Variants in AARSD1 observed in about 807,000 individuals in gnomAD.
AARSD1 encodes alanyl-tRNA editing protein Aarsd1.
AARSD1 carries 44 observed loss-of-function variants against 48.7 expected under a neutral mutation model. The ratio of observed to expected loss-of-function variants is 0.90; its 90% CI spans 0.71 to 1.16. The LOEUF (loss-of-function observed/expected upper bound fraction) is 1.16. Among genes scored for constraint, AARSD1 ranks in the 50% most tolerant of loss-of-function variants. The pLI is 0.00. For synonymous variants in AARSD1, 189 were observed against 194.9 expected (o/e 0.97, Z 0.25); for missense variants, 511 against 523.1 (o/e 0.98, Z 0.23).
chr17:42,954,874 A>T lies in AARSD1; in HGVS notation c.953+2T>A. 6.2e-7 allele frequency: 1 copy of T among 1,613,862 alleles called. No individual in the cohort carries two copies. Among genetic ancestry groups the T allele is most frequent in the Non-Finnish European group, 8.5e-7 (1 of 1,179,912 alleles). ...CCTTGTGTCCAGCTCCTAATTTCTCACCTGTGTAATATGACCACACCTCCC... is the reference window on the plus strand; with the variant it reads ...CCTTGTGTCCAGCTCCTAATTTCTCTCCTGTGTAATATGACCACACCTCCC... On this transcript the variant is annotated splice_donor_variant, in intron 9 of 11. Coordinates refer to ENST00000427569, the MANE Select transcript of AARSD1 (RefSeq NM_001261434.2). LOFTEE classifies it high-confidence loss of function.
rs764395013 is a variant in AARSD1 at position 42,950,731 on chromosome 17, G to C, written c.1104-3C>G. ...TGCCTTCCAGGACCTCAGCCACCCT[G>C]GGGAACAGAGGTATAGTCAGGGAGA... On this transcript the variant is annotated splice_region_variant and splice_polypyrimidine_tract_variant and intron_variant, in intron 11 of 11. Coordinates refer to ENST00000427569, the MANE Select transcript of AARSD1 (RefSeq NM_001261434.2). 6.2e-7 allele frequency: 1 copy of C among 1,612,068 alleles called. No individual in the cohort carries two copies. Among genetic ancestry groups the C allele is most frequent in the African/African-American group, 1.3e-5 (1 of 74,798 alleles).
intron 2 of AARSD1, among the ~76,000 whole-genome samples, chr17:42,963,088 T>A (rs1483387492): frequency 6.6e-6 from 1 of 151,620 alleles, no homozygotes; most frequent in South Asian, 2.1e-4. Flanking sequence ...ATACACCTTT[T>A]TTTTTTCTTT....
Position 42,956,210 on chromosome 17 carries a change from G to T in AARSD1, c.657C>A (p.Asp219Glu). The T allele has an allele frequency of 6.2e-7, 1 of 1,613,998 alleles. No individual in the cohort carries two copies. The highest frequency in any genetic ancestry group is 8.5e-7 in the Non-Finnish European group (1 of 1,180,030). The change falls in exon 6 of 12, where the codon GAC (aspartate) becomes GAA (glutamate). Residue 219 changes from aspartate to glutamate, a missense_variant. Asp to Glu is a conservative substitution (Grantham distance 45). Transcript: ENST00000427569. The part of the protein sequence containing the change: ...CCGTHVSNLS[D>E]LQVIKILGTE... ...ACAGCCGTTCCTCACTTACCTGAAG[G>T]TCACTGAGATTGCTCACATGGGTCC...
chr17:42,964,113 C>G lies in AARSD1; in HGVS notation c.164G>C (p.Gly55Ala), dbSNP rs1181225061. ...AAGAGATCGTTTTGGTACCTGTCCCCCGCCCTCAGGGAAAAGCACTGTGTC... is the reference window on the plus strand; with the variant it reads ...AAGAGATCGTTTTGGTACCTGTCCCGCGCCCTCAGGGAAAAGCACTGTGTC... The part of the protein sequence containing the change: ...LEDTVLFPEG[G>A]GQPDDRGTIN... The change falls in exon 2 of 12, where the codon GGG becomes GCG. Residue 55 changes from glycine to alanine, a missense_variant. Coordinates refer to ENST00000427569, the MANE Select transcript of AARSD1 (RefSeq NM_001261434.2). 6.2e-7 allele frequency: 1 copy of G among 1,614,066 alleles called. No individual in the cohort carries two copies. The highest frequency in any genetic ancestry group is 1.3e-5 in the African/African-American group (1 of 74,936).
Position 42,955,180 on chromosome 17 carries a change from T to G in AARSD1, c.839A>C (p.Asn280Thr), listed in dbSNP as rs1567715560. Residue 280 changes from asparagine to threonine, a missense_variant, in exon 8 of 12, where the codon AAC (asparagine) becomes ACC (threonine). Asn to Thr is a moderately conservative substitution (Grantham distance 65). Coordinates refer to ENST00000427569, the MANE Select transcript of AARSD1 (RefSeq NM_001261434.2). ...CACCTTCTGCAGGATCTTGGTGGAGTTCTGGAGCTTTTTCACTGCTTCCAC... is the reference window on the plus strand; with the variant it reads ...CACCTTCTGCAGGATCTTGGTGGAGGTCTGGAGCTTTTTCACTGCTTCCAC... The part of the protein sequence containing the change: ...DHVEAVKKLQ[N>T]STKILQKNNL... 1 of 1,613,954 alleles carries G rather than the reference T, an allele frequency of 6.2e-7. No homozygotes were observed. The highest frequency in any genetic ancestry group is 2.2e-5 in the East Asian group (1 of 44,882).
chr17:42,957,055 G>A (rs1393844096), intron 4 of AARSD1, 83 bp downstream of exon 4: 45 of 1,526,566 alleles, frequency 2.9e-5, no homozygotes, highest in East Asian at 2.2e-4. Flanking sequence ...TAATCTCCCC[G>A]GCTCAAGCAA....
intron 9 of AARSD1, among the ~76,000 whole-genome samples, chr17:42,954,358 C>CA (rs942496938): frequency 3.3e-5 from 5 of 151,892 alleles, no homozygotes; most frequent in African/African-American, 7.3e-5. Flanking sequence ...AAAAAAAACA[C>CA]AAAAAACAAA....
rs1319035731 is a variant in AARSD1, at chr17:42,964,115, G to A, written c.162C>T (p.Gly54=). The A allele has an allele frequency of 5.0e-6, 8 of 1,614,140 alleles. No individual in the cohort carries two copies. The Admixed American group carries it at 8.3e-5, about 17-fold the overall frequency. The change falls in exon 2 of 12, where the codon GGC becomes GGT. Residue 54 remains glycine (G), a synonymous_variant. Coordinates refer to ENST00000427569, the MANE Select transcript of AARSD1 (RefSeq NM_001261434.2). ...VLEDTVLFPE[G]GGQPDDRGTI... ...GAGATCGTTTTGGTACCTGTCCCCC[G>A]CCCTCAGGGAAAAGCACTGTGTCTT...
chr17:42,963,562 C>T (rs910614611), intron 2 of AARSD1, among the ~76,000 whole-genome samples: 22 of 152,064 alleles, frequency 1.4e-4, no homozygotes, highest in African/African-American at 4.8e-4. Flanking sequence ...AATATGCTCT[C>T]TGCTGTACTA....
Position 42,953,712 on chromosome 17 carries a change from T to C in AARSD1, c.1008+12A>G, listed in dbSNP as rs1287043420. ...ATCCAGGCCGGGGTAGAGAATCTCATGCTCCTCTTACCTCTGACCCAATCT... is the reference window on the plus strand; with the variant it reads ...ATCCAGGCCGGGGTAGAGAATCTCACGCTCCTCTTACCTCTGACCCAATCT... On this transcript the variant is annotated intron_variant, in intron 10 of 11. Coordinates refer to ENST00000427569, the MANE Select transcript of AARSD1 (RefSeq NM_001261434.2). 12 of 1,614,150 alleles carry C rather than the reference T, an allele frequency of 7.4e-6. No homozygotes were observed. The highest frequency in any genetic ancestry group is 1.7e-5 in the Admixed American group (1 of 60,020).
chr17:42,953,607 C>T, intron 10 of AARSD1, 117 bp downstream of exon 10: 1 of 1,327,152 alleles, frequency 7.5e-7, no homozygotes, highest in South Asian at 1.2e-5. Flanking sequence ...GAATGAATGG[C>T]TATTTCCTCC....
In AARSD1 at chr17:42,961,179, T is replaced by C; in HGVS notation, c.331+13A>G. The stretch of plus-strand genomic sequence containing the variant: ...AACTGCTCCGGTGTTATGTCCCCCA[T>C]CCCAGCCTTTACCTGAATGCTGCTG... On this transcript the variant is annotated intron_variant, in intron 3 of 11. Transcript: ENST00000427569. 8 of 1,605,180 alleles carry C rather than the reference T, an allele frequency of 5.0e-6. No homozygotes were observed. Among genetic ancestry groups the C allele is most frequent in the Non-Finnish European group, 6.8e-6 (8 of 1,173,832 alleles).
chr17:42,964,246 A>G lies in AARSD1; in HGVS notation c.40-9T>C. The G allele has an allele frequency of 4.4e-6, 7 of 1,603,188 alleles. No individual in the cohort carries two copies. The highest frequency in any genetic ancestry group is 5.9e-6 in the Non-Finnish European group (7 of 1,177,744). On this transcript the variant is annotated splice_polypyrimidine_tract_variant and intron_variant, in intron 1 of 11. Transcript: ENST00000427569. ...ACCACGGTGGTGGTGAACTGAACAG[A>G]GAGGAATGAGAGAATAAGCCCCGAC... is the stretch of plus-strand genomic sequence containing the variant.
chr17:42,955,450 T>G, intron 7 of AARSD1: 1 of 557,206 alleles, frequency 1.8e-6, no homozygotes, highest in Non-Finnish European at 3.1e-6. Flanking sequence ...TTTTTTTTTT[T>G]TTTTTTGAGA....
chr17:42,962,301 A>T, intron 2 of AARSD1: 1 of 168,584 alleles, frequency 5.9e-6, no homozygotes, highest in Non-Finnish European at 1.3e-5. Context: ...ACCATCTCAA[A>T]AAAAAAAAAA....
intron 3 of AARSD1, among the ~76,000 whole-genome samples, chr17:42,959,792 C>CAGCT (rs1303129945): frequency 6.6e-6 from 1 of 151,506 alleles, no homozygotes; most frequent in Non-Finnish European, 1.5e-5. Flanking sequence ...GCCTCCTGAG[C>CAGCT]AGCTAGGACT....
intron 11 of AARSD1, 83 bp downstream of exon 11, chr17:42,951,717 T>G: frequency 6.9e-7 from 1 of 1,443,380 alleles, no homozygotes; most frequent in Admixed American, 1.8e-5. Context: ...ATCGCAGATG[T>G]GATGGTCCTT....
intron 11 of AARSD1, among the ~76,000 whole-genome samples, chr17:42,951,032 G>A (rs1027479494): frequency 7.9e-5 from 12 of 151,978 alleles, no homozygotes; most frequent in East Asian, 3.9e-4. Context: ...GGTGGTATGC[G>A]CCATAATCCC....
rs749261547 is a variant in AARSD1, at chr17:42,957,176, T to C, written c.351A>G (p.Ala117=). ...QQHSGQHLIT[A]VADHLFKLKT... is the part of the protein sequence containing the mutation. The stretch of plus-strand genomic sequence containing the variant: ...TCAGCTTAAATAGATGGTCAGCAAC[T>C]GCCGTGATGAGATGCTGCCCTAAGC... Residue 117 remains alanine (A), a synonymous_variant, in exon 4 of 12, where the codon GCA becomes GCG. Transcript: ENST00000427569. 28 of 1,613,668 alleles carry C rather than the reference T, an allele frequency of 1.7e-5. No individual in the cohort carries two copies. In the Admixed American group the frequency reaches 4.7e-4, roughly 27 times the overall value.
Sources: allele counts gnomAD v4.1 joint callset (sites outside exome capture counted in the v4.1 genomes callset), GRCh38; gene constraint gnomAD v4.1.1; transcripts MANE v1.5; gene names NCBI Gene and HGNC (gene_info 2026-07-23, HGNC 2026-07-21).